Variants in CCDC91 observed in about 807,000 individuals in gnomAD.
The protein encoded by CCDC91 is coiled-coil domain-containing protein 91.
In CCDC91, 48 loss-of-function variants were observed where a neutral mutation model predicts 63.2. The observed-to-expected ratio is 0.76, with a 90% confidence interval of 0.60 to 0.97. CCDC91 has a LOEUF of 0.97. Ranked by LOEUF, CCDC91 falls within the 50% of genes least tolerant of loss-of-function variation. The pLI is 0.00. For synonymous variants in CCDC91, 167 were observed against 165.8 expected (o/e 1.01, Z -0.06); for missense variants, 500 against 494.6 (o/e 1.01, Z -0.10).
chr12:28,545,724 C>T (rs1942941749), intron 12 of CCDC91, among the ~76,000 whole-genome samples: 1 of 152,076 alleles, frequency 6.6e-6, no homozygotes, highest in African/African-American at 2.4e-5. Flanking sequence ...ACATCTAACA[C>T]AAGCAAGAGA....
In CCDC91 at chr12:28,452,668, A is replaced by G. The variant is rs751212951; in HGVS notation, c.1101+14A>G. ...AAAATAAGTCAGGTTAGTAATATTA[A>G]CTGTTAGTAAATATTTACTTTTTTC... is the stretch of plus-strand genomic sequence containing the variant. On this transcript the variant is annotated intron_variant, in intron 11 of 12. Transcript: ENST00000536442. The G allele has an allele frequency of 7.5e-7, 1 of 1,333,544 alleles. No individual in the cohort carries two copies. Among genetic ancestry groups the G allele is most frequent in the South Asian group, 1.5e-5 (1 of 66,730 alleles). 82.6% of individuals were successfully genotyped at this position (1,333,544 alleles called of 1,614,324 possible).
At position 28,204,962 on chromosome 12, in the gene CCDC91, G is replaced by T. The variant is rs559625272; in HGVS notation, c.-15+14321G>T. ...AATTAACATTTTTAAGATTTATTAC[G>T]TATTTACTCAGTAGAGGAACAGAAT... On this transcript the variant is annotated intron_variant, in intron 1 of 12. Coordinates refer to ENST00000536442, the MANE Select transcript of CCDC91 (RefSeq NM_018318.5). 3.9e-5 allele frequency among the ~76,000 whole-genome samples: 6 copies of T among 152,224 alleles called. No homozygotes were observed. The South Asian group carries it at 1.2e-3, about 32-fold the overall frequency.
rs553858350 is a variant in CCDC91, at chr12:28,422,404, T to G, written c.763-27757T>G. Among the ~76,000 whole-genome samples, 4 of 152,202 alleles carry G rather than the reference T, an allele frequency of 2.6e-5. No individual in the cohort carries two copies. In the East Asian group the frequency reaches 7.7e-4, roughly 29 times the overall value. On this transcript the variant is annotated intron_variant, in intron 8 of 12. Coordinates refer to ENST00000536442, the MANE Select transcript of CCDC91 (RefSeq NM_018318.5). ...TAATACTATTTTTATCTTCTTAATT[T>G]TGTATACAGTGGTTATAAAAATAAT...
intron 3 of CCDC91, among the ~76,000 whole-genome samples, chr12:28,288,558 T>G (rs1949040142): frequency 6.6e-6 from 1 of 151,800 alleles, no homozygotes; most frequent in Admixed American, 6.6e-5. Context: ...CCTCCTTGAT[T>G]GTAGGTTTTT....
At chr12:28,210,527 G>A (rs1196582444) in intron 1 of CCDC91, among the ~76,000 whole-genome samples, 1 of 152,096 alleles carries the variant, frequency 6.6e-6, no homozygotes, top group African/African-American at 2.4e-5. Context: ...ATAGGATGAA[G>A]TCTTTGGAAG....
intron 1 of CCDC91, among the ~76,000 whole-genome samples, chr12:28,238,483 C>T (rs1481808465): frequency 3.3e-5 from 5 of 152,082 alleles, no homozygotes; most frequent in Non-Finnish European, 7.4e-5. Flanking sequence ...ATGTGAGTTA[C>T]TAGAGCCTTT....
chr12:28,219,113 T>C (rs1943763127), intron 1 of CCDC91, among the ~76,000 whole-genome samples: 1 of 152,228 alleles, frequency 6.6e-6, no homozygotes, highest in Admixed American at 6.5e-5. Context: ...CAACACTTGA[T>C]ATTGTGAATC....
At chr12:28,386,907 A>G (rs1168635846) in intron 7 of CCDC91, among the ~76,000 whole-genome samples, 1 of 152,176 alleles carries the variant, frequency 6.6e-6, no homozygotes. Context: ...AGAATAGTTG[A>G]AAATAGATTA....
intron 1 of CCDC91, among the ~76,000 whole-genome samples, chr12:28,250,507 A>G (rs372114928): frequency 3.5e-4 from 53 of 152,124 alleles, no homozygotes; most frequent in African/African-American, 1.3e-3. Context: ...TGATGAGAAT[A>G]TAAAGTAGCA....
intron 1 of CCDC91, among the ~76,000 whole-genome samples, chr12:28,191,764 AG>A (rs1231169744): frequency 6.6e-6 from 1 of 152,118 alleles, no homozygotes; most frequent in Admixed American, 6.5e-5. Context: ...TATTGCGTTG[AG>A]GGGATTGGTT....
intron 6 of CCDC91, 119 bp downstream of exon 6, chr12:28,307,868 A>G (rs1938910857): frequency 4.7e-6 from 3 of 636,108 alleles, no homozygotes; most frequent in South Asian, 1.9e-5. Flanking sequence ...GCTTAAATAT[A>G]TAAAACTGAC....
At chr12:28,498,347 T>A (rs1418976840) in intron 12 of CCDC91, among the ~76,000 whole-genome samples, 1 of 151,638 alleles carries the variant, frequency 6.6e-6, no homozygotes, top group Non-Finnish European at 1.5e-5. Context: ...CAGAAAACTG[T>A]GAACAAGGCA....
At chr12:28,423,886 A>C (rs755591874) in intron 8 of CCDC91, among the ~76,000 whole-genome samples, 1 of 152,192 alleles carries the variant, frequency 6.6e-6, no homozygotes, top group African/African-American at 2.4e-5. Flanking sequence ...TTAGTTCTGC[A>C]TATCATACTT....
chr12:28,332,547 T>C (rs1941599089), intron 6 of CCDC91, among the ~76,000 whole-genome samples: 1 of 152,214 alleles, frequency 6.6e-6, no homozygotes, highest in Non-Finnish European at 1.5e-5. Context: ...AGAAAAAATA[T>C]TTGATCAAAC....
intron 8 of CCDC91, among the ~76,000 whole-genome samples, chr12:28,429,809 C>A (rs1252950530): frequency 6.6e-6 from 1 of 151,684 alleles, no homozygotes; most frequent in Admixed American, 6.6e-5. Flanking sequence ...CAGACTTACA[C>A]AATTTTGTAA....
At chr12:28,350,257 A>G (rs555627708) in intron 6 of CCDC91, among the ~76,000 whole-genome samples, 4 of 152,298 alleles carry the variant, frequency 2.6e-5, no homozygotes, top group South Asian at 2.1e-4. Context: ...ATAATCTGCC[A>G]TTTCTTTTAA....
At chr12:28,500,172 G>A (rs553683342) in intron 12 of CCDC91, among the ~76,000 whole-genome samples, 5 of 147,440 alleles carry the variant, frequency 3.4e-5, no homozygotes, top group East Asian at 3.9e-4. Flanking sequence ...CGTATCCTTC[G>A]CCCACTTTTT....
chr12:28,430,137 A>G (rs1390575891), intron 8 of CCDC91, among the ~76,000 whole-genome samples: 9 of 152,076 alleles, frequency 5.9e-5, no homozygotes, highest in Non-Finnish European at 1.2e-4. Flanking sequence ...GCTATTTCTA[A>G]TAAGTGGGAA....
intron 11 of CCDC91, among the ~76,000 whole-genome samples, chr12:28,478,645 C>G (rs1422580685): frequency 2.0e-5 from 3 of 152,124 alleles, no homozygotes; most frequent in Non-Finnish European, 4.4e-5. Flanking sequence ...TTCTGCACAG[C>G]AAAAGAAACT....
Sources: allele counts gnomAD v4.1 joint callset (sites outside exome capture counted in the v4.1 genomes callset), GRCh38; gene constraint gnomAD v4.1.1; transcripts MANE v1.5; gene names NCBI Gene and HGNC (gene_info 2026-07-23, HGNC 2026-07-21).